Variants in PAX3 observed in about 807,000 individuals in gnomAD.
The protein encoded by PAX3 is paired box protein Pax-3.
In PAX3, 14 loss-of-function variants were observed where a neutral mutation model predicts 51.6. The observed-to-expected ratio is 0.27, with a 90% CI of 0.18 to 0.42. PAX3 has a LOEUF of 0.42. Ranked by LOEUF, PAX3 falls within the 10% of genes least tolerant of loss-of-function variation. The probability of loss-of-function intolerance (pLI) is 1.00; values close to 1 mark genes in which losing one functional copy is unlikely to be tolerated. For missense variants in PAX3, 540 were observed against 642.8 expected (o/e 0.84, Z 1.73); for synonymous variants, 280 against 253.4 (o/e 1.11, Z -1.00).
chr2:222,247,215 C>A (rs1193941341), intron 4 of PAX3, among the ~76,000 whole-genome samples: 1 of 152,242 alleles, frequency 6.6e-6, no homozygotes, highest in East Asian at 1.9e-4. Context: ...ATATTTTCTT[C>A]TTTCTGATAG....
chr2:222,282,048 T>G (rs1200839069), intron 4 of PAX3, among the ~76,000 whole-genome samples: 7 of 152,222 alleles, frequency 4.6e-5, no homozygotes, highest in Non-Finnish European at 1.0e-4. Context: ...TTTGGTTTTT[T>G]CTTATTTTTT....
chr2:222,293,868 G>A (rs1358173653), intron 4 of PAX3: 5 of 1,610,742 alleles, frequency 3.1e-6, no homozygotes, highest in Non-Finnish European at 3.4e-6. Flanking sequence ...AACAGAGTGA[G>A]AGCTTCCCCT....
chr2:222,296,172 T>A (rs567149686), intron 2 of PAX3, among the ~76,000 whole-genome samples: 2 of 152,234 alleles, frequency 1.3e-5, no homozygotes, highest in Non-Finnish European at 2.9e-5. Flanking sequence ...TAAGAGAGAC[T>A]GACTCTTCTC....
At chr2:222,202,489 T>TA (rs930615566) in intron 7 of PAX3, among the ~76,000 whole-genome samples, 3 of 151,756 alleles carry the variant, frequency 2.0e-5, no homozygotes, top group Admixed American at 2.0e-4. Flanking sequence ...TCCCTAGTGA[T>TA]AAAATCAGAC....
chr2:222,225,007 G>T (rs1472129282), intron 5 of PAX3, among the ~76,000 whole-genome samples: 2 of 152,074 alleles, frequency 1.3e-5, no homozygotes, highest in Admixed American at 1.3e-4. Context: ...GAAATTATAT[G>T]ATCTACAATT....
intron 8 of PAX3, 22 bp downstream of exon 8, chr2:222,201,922 C>A (rs1291736908): frequency 2.5e-6 from 4 of 1,613,896 alleles, no homozygotes; most frequent in Non-Finnish European, 3.4e-6. Context: ...AGAAATTGCC[C>A]CCTAAAAAGT....
rs377521598 is a variant in PAX3 at position 222,275,744 on chromosome 2, A to G, written c.586+18423T>C. On this transcript the variant is annotated intron_variant, in intron 4 of 8. Coordinates refer to ENST00000392070, the MANE Select transcript of PAX3 (RefSeq NM_181458.4). Reference sequence around the variant, plus strand: ...TTACATTCTTTCCAAGTTTTTAAATACTTCAATGTTTTTACAAAAACAACA... The same window carrying G: ...TTACATTCTTTCCAAGTTTTTAAATGCTTCAATGTTTTTACAAAAACAACA... Among the ~76,000 whole-genome samples, 9 of 152,362 alleles carry G rather than the reference A, an allele frequency of 5.9e-5. No homozygotes were observed. In the South Asian group the frequency reaches 1.2e-3, roughly 21 times the overall value.
At chr2:222,204,670 C>T (rs1437294741) in intron 7 of PAX3, among the ~76,000 whole-genome samples, 1 of 151,880 alleles carries the variant, frequency 6.6e-6, no homozygotes, top group African/African-American at 2.4e-5. Flanking sequence ...AATATTTTAC[C>T]ATGAATAAGT....
chr2:222,274,263 T>G (rs534266730), intron 4 of PAX3, among the ~76,000 whole-genome samples: 3 of 152,136 alleles, frequency 2.0e-5, no homozygotes, highest in African/African-American at 4.8e-5. Flanking sequence ...TATATTTGTC[T>G]TCTTTTGTAG....
intron 5 of PAX3, among the ~76,000 whole-genome samples, chr2:222,223,895 A>G (rs1692289878): frequency 6.6e-6 from 1 of 152,194 alleles, no homozygotes; most frequent in Non-Finnish European, 1.5e-5. Flanking sequence ...TAACCTTTAG[A>G]TAAGTAAACC....
At chr2:222,279,732 A>C (rs984341065) in intron 4 of PAX3, among the ~76,000 whole-genome samples, 1 of 152,260 alleles carries the variant, frequency 6.6e-6, no homozygotes, top group African/African-American at 2.4e-5. Flanking sequence ...TAGAAAAGAT[A>C]CATTTCAGGG....
intron 4 of PAX3, among the ~76,000 whole-genome samples, chr2:222,272,329 G>T (rs1200583420): frequency 6.6e-6 from 1 of 152,294 alleles, no homozygotes; most frequent in East Asian, 1.9e-4. Flanking sequence ...TGGAGTAAGT[G>T]TTATGTCAAC....
intron 4 of PAX3, among the ~76,000 whole-genome samples, chr2:222,289,482 C>T (rs1324084325): frequency 2.3e-4 from 35 of 152,154 alleles, no homozygotes; most frequent in Admixed American, 2.2e-3. Context: ...CCTCACCGCC[C>T]GGGTGGGTTT....
chr2:222,297,491 G>A (rs759311358), intron 1 of PAX3, among the ~76,000 whole-genome samples: 15 of 152,342 alleles, frequency 9.8e-5, no homozygotes, highest in Non-Finnish European at 2.2e-4. Flanking sequence ...GGCCCGGGGA[G>A]TGGCAACTTA....
chr2:222,222,932 A>G (rs1574650488), intron 5 of PAX3, among the ~76,000 whole-genome samples: 1 of 152,226 alleles, frequency 6.6e-6, no homozygotes, highest in African/African-American at 2.4e-5. Context: ...TCTAATTTCG[A>G]CGAGCGATCG....
At chr2:222,241,117 A>G (rs1194240199) in intron 4 of PAX3, among the ~76,000 whole-genome samples, 1 of 152,140 alleles carries the variant, frequency 6.6e-6, no homozygotes, top group African/African-American at 2.4e-5. Flanking sequence ...CTCTAAAAGC[A>G]GTAAGCTAAA....
At chr2:222,251,200 C>A (rs1437050683) in intron 4 of PAX3, among the ~76,000 whole-genome samples, 2 of 152,048 alleles carry the variant, frequency 1.3e-5, no homozygotes, top group African/African-American at 4.8e-5. Context: ...GTGTGCTGCA[C>A]CCATTAACTC....
intron 1 of PAX3, 63 bp downstream of exon 1, chr2:222,298,468 A>T (rs1423670854): frequency 2.2e-6 from 3 of 1,365,558 alleles, no homozygotes; most frequent in East Asian, 5.0e-5. Flanking sequence ...GAGCCTGGGG[A>T]TGGGGTGAGG....
In PAX3 at chr2:222,201,965, G is replaced by C; in HGVS notation, c.1399C>G (p.Gln467Glu). 6.2e-7 allele frequency: 1 copy of C among 1,614,072 alleles called. No homozygotes were observed. Among genetic ancestry groups the C allele is most frequent in the Non-Finnish European group, 8.5e-7 (1 of 1,179,992 alleles). ...TTACTTTGTCCATACTGCCCATATT[G>C]GTAGCCTGTGACAGGGTCCATACTG... The part of the protein sequence containing the change: ...GYSMDPVTGY[Q>E]YGQYGQSAFH... The change falls in exon 8 of 9, where the codon CAA (glutamine) becomes GAA (glutamate). Residue 467 changes from glutamine to glutamate, a missense_variant. By Grantham distance (29) the Gln-to-Glu change is conservative. Transcript: ENST00000392070.
Sources: allele counts gnomAD v4.1 joint callset (sites outside exome capture counted in the v4.1 genomes callset), GRCh38; gene constraint gnomAD v4.1.1; transcripts MANE v1.5; gene names NCBI Gene and HGNC (gene_info 2026-07-23, HGNC 2026-07-21).